The following NBPF11 variants were observed in gnomAD, a reference collection of about 807,000 sequenced individuals.
NBPF11 encodes NBPF family member NBPF11.
In NBPF11, 72 loss-of-function variants were observed where a neutral mutation model predicts 93.9. The observed-to-expected ratio is 0.77, with a 90% CI of 0.63 to 0.93. The LOEUF is 0.93. Among genes scored for constraint, NBPF11 ranks in the 40% least tolerant of loss-of-function variants. The pLI is 0.00. For missense variants in NBPF11, 705 were observed against 802.2 expected (o/e 0.88, Z 1.46); for synonymous variants, 224 against 304.9 (o/e 0.73, Z 2.76).
intron 11 of NBPF11, 40 bp downstream of exon 11, chr1:148,118,580 C>A: frequency 6.3e-7 from 1 of 1,578,452 alleles, no homozygotes; most frequent in South Asian, 1.1e-5. Flanking sequence ...CAGAGATTTA[C>A]ACACCTGCCC....
At chr1:148,139,197 C>A (rs1218178206) in intron 2 of NBPF11, among the ~76,000 whole-genome samples, 1 of 151,184 alleles carries the variant, frequency 6.6e-6, no homozygotes, top group Non-Finnish European at 1.5e-5. Flanking sequence ...TAAAAAATTC[C>A]TTTTCTTGTG....
In NBPF11 at chr1:148,116,155, T is replaced by C. The variant is rs1306990718; in HGVS notation, c.1380-157A>G. Among the ~76,000 whole-genome samples, 4 of 151,776 alleles carry C rather than the reference T, an allele frequency of 2.6e-5. 1 individual carries two copies. The highest frequency in any genetic ancestry group is 3.9e-4 in the East Asian group (2 of 5,182). On this transcript the variant is annotated intron_variant, in intron 13 of 23. Transcript: ENST00000682118. ...AGAGGGAACATGCAATCCTGTTCTG[T>C]CTGCAACAGAGCATGGCTGCCATGG... is the stretch of plus-strand genomic sequence containing the variant.
chr1:148,104,288 C>G lies in NBPF11; in HGVS notation c.2581+249G>C, dbSNP rs1401245493. ...TCAATAGTTTTCCATAAAATATGCTCAAAATTCGATGCAGTGGCCATGAGA... is the reference window on the plus strand; with the variant it reads ...TCAATAGTTTTCCATAAAATATGCTGAAAATTCGATGCAGTGGCCATGAGA... On this transcript the variant is annotated intron_variant, in intron 23 of 23. Transcript: ENST00000682118. Among the ~76,000 whole-genome samples the G allele has an allele frequency of 5.8e-4, 84 of 144,962 alleles. 3 individuals are homozygous for G. The highest frequency in any genetic ancestry group is 4.8e-4 in the Non-Finnish European group (32 of 67,028).
intron 7 of NBPF11, 132 bp downstream of exon 7, chr1:148,123,721 T>C (rs1668434247): frequency 1.3e-6 from 2 of 1,596,834 alleles, no homozygotes; most frequent in Non-Finnish European, 1.7e-6. Flanking sequence ...CAGGAAGTCC[T>C]GATCATGTCA....
intron 4 of NBPF11, among the ~76,000 whole-genome samples, chr1:148,130,937 C>A (rs1204437761): frequency 6.6e-6 from 1 of 151,962 alleles, no homozygotes; most frequent in Admixed American, 6.5e-5. Flanking sequence ...ATTTTAAAAT[C>A]CATCTGTAAT....
chr1:148,147,976 G>C (rs1197659382), intron 1 of NBPF11, among the ~76,000 whole-genome samples: 4 of 152,060 alleles, frequency 2.6e-5, no homozygotes, highest in African/African-American at 9.7e-5. Flanking sequence ...AGGCCAGAGC[G>C]TGCCCAGGGC....
At chr1:148,150,483 G>A (rs1211302081) in intron 1 of NBPF11, among the ~76,000 whole-genome samples, 1 of 149,340 alleles carries the variant, frequency 6.7e-6, no homozygotes, top group African/African-American at 2.5e-5. Context: ...AAAGTTCTCA[G>A]AAATCTTAAA....
At chr1:148,121,432 C>A (rs1370268183) in intron 9 of NBPF11, among the ~76,000 whole-genome samples, 11 of 149,214 alleles carry the variant, frequency 7.4e-5, no homozygotes, top group Non-Finnish European at 1.6e-4. Context: ...ACTGCAAGAT[C>A]CGGTTCCTGG....
At chr1:148,144,714 T>C (rs1672729608) in intron 1 of NBPF11, among the ~76,000 whole-genome samples, 1 of 151,968 alleles carries the variant, frequency 6.6e-6, no homozygotes, top group African/African-American at 2.4e-5. Context: ...GGCTCACACC[T>C]GTAATCCCAA....
At chr1:148,147,236 G>A (rs1185265648) in intron 1 of NBPF11, among the ~76,000 whole-genome samples, 31 of 152,186 alleles carry the variant, frequency 2.0e-4, no homozygotes, top group Admixed American at 1.5e-3. Flanking sequence ...GGAGGGAGTG[G>A]GTGGTGGTCT....
chr1:148,148,744 A>G (rs1647403666), intron 1 of NBPF11, among the ~76,000 whole-genome samples: 1 of 152,008 alleles, frequency 6.6e-6, no homozygotes, highest in Non-Finnish European at 1.5e-5. Flanking sequence ...TGTCCTGGCC[A>G]GTGCACCAGG....
intron 1 of NBPF11, chr1:148,149,479 C>A (rs1259168383): frequency 2.7e-5 from 43 of 1,591,350 alleles, no homozygotes; most frequent in Non-Finnish European, 3.6e-5. Context: ...TGGAGGGCGC[C>A]GGGCACAACG....
Position 148,122,239 on chromosome 1 carries a change from T to G in NBPF11, c.594A>C (p.Lys198Asn), listed in dbSNP as rs1469696107. ...PREVQKAEES[K>N]VPEDSLEECA... ...ATTCCTCCAGTGAGTCCTCAGGGAC[T>G]TTGCTCTCTTCAGCCTTCTGCACCT... is the stretch of plus-strand genomic sequence containing the variant. Residue 198 changes from lysine (K) to asparagine (N), a missense_variant, in exon 9 of 24, where the codon AAA becomes AAC. Around this residue, in one of 12 missense-constraint regions of NBPF11, gnomAD observed 262 missense variants for 223.1 expected, o/e 1.17. Coordinates refer to ENST00000682118, the MANE Select transcript of NBPF11 (RefSeq NM_001385469.3). 9.3e-6 allele frequency: 15 copies of G among 1,611,784 alleles called. No homozygotes were observed. In the Admixed American group the frequency reaches 1.8e-4, roughly 20 times the overall value.
At chr1:148,110,974 T>C (rs1180974250) in intron 15 of NBPF11, among the ~76,000 whole-genome samples, 3 of 151,814 alleles carry the variant, frequency 2.0e-5, no homozygotes, top group African/African-American at 7.3e-5. Flanking sequence ...TATAATATAT[T>C]TACTTTTTCA....
intron 4 of NBPF11, among the ~76,000 whole-genome samples, chr1:148,134,151 A>G (rs1202634472): frequency 1.3e-5 from 2 of 151,468 alleles, no homozygotes. Context: ...CCCCTCACCC[A>G]TGCATTTCTT....
rs201055041 is a variant in NBPF11, at chr1:148,108,560, T to A, written c.1948A>T (p.Thr650Ser). 2.9e-5 allele frequency: 46 copies of A among 1,603,838 alleles called. No individual in the cohort carries two copies. Among genetic ancestry groups the A allele is most frequent in the Non-Finnish European group, 3.7e-5 (44 of 1,173,416 alleles). ...CTTCTGTAGGGCTGGCATGAGTCAG[T>A]CAGTCCAAGATAAACTGAAGGAGTT... ...YSTPSVYLGL[T>S]DSCQPYRSAF... is the part of the protein sequence containing the mutation. Residue 650 changes from threonine (T) to serine (S), a missense_variant, in exon 18 of 24, where the codon ACT becomes TCT. Transcript: ENST00000682118.
Position 148,103,664 on chromosome 1 carries a change from G to C in NBPF11, c.*232C>G, listed in dbSNP as rs1333079745. 2 of 1,611,178 alleles carry C rather than the reference G, an allele frequency of 1.2e-6. No homozygotes were observed. Among genetic ancestry groups the C allele is most frequent in the East Asian group, 4.5e-5 (2 of 44,882 alleles). The stretch of plus-strand genomic sequence containing the variant: ...AATGACACCTCTCGGCTTAGTAAGG[G>C]CTGCTTATTGTGGGAATATGACTCC... On this transcript the variant is annotated 3_prime_UTR_variant, in exon 24 of 24. Transcript: ENST00000682118.
intron 23 of NBPF11, among the ~76,000 whole-genome samples, chr1:148,104,293 T>C (rs1663003724): frequency 6.9e-6 from 1 of 145,204 alleles, no homozygotes. Flanking sequence ...ATGCTCAAAA[T>C]TCGATGCAGT....
At position 148,143,496 on chromosome 1, in the gene NBPF11, C is replaced by T. The variant is rs1456022411; in HGVS notation, c.-358G>A. The T allele has an allele frequency of 8.2e-5, 55 of 669,628 alleles. 1 individual carries two copies. The highest frequency in any genetic ancestry group is 1.1e-4 in the Non-Finnish European group (53 of 485,702). 41.5% of individuals were successfully genotyped at this position (669,628 alleles called of 1,614,324 possible). On this transcript the variant is annotated 5_prime_UTR_variant, in exon 2 of 24. Coordinates refer to ENST00000682118, the MANE Select transcript of NBPF11 (RefSeq NM_001385469.3). ...GCACTGAATGGGTAAGTTTCTACAT[C>T]GGTGCCTCGGAGAGTCCACCAGAAG...
Sources: allele counts gnomAD v4.1 joint callset (sites outside exome capture counted in the v4.1 genomes callset), GRCh38; gene constraint gnomAD v4.1.1; regional missense constraint gnomAD v4.1.1; transcripts MANE v1.5; gene names NCBI Gene and HGNC (gene_info 2026-07-23, HGNC 2026-07-21).